OCA2: variants seen among roughly 807,000 people sequenced by gnomAD.
OCA2 encodes OCA2 melanosomal transmembrane protein.
OCA2 carries 77 observed loss-of-function variants against 100.2 expected under a neutral mutation model. The ratio of observed to expected loss-of-function variants is 0.77; its 90% CI spans 0.64 to 0.93. The LOEUF is 0.93. OCA2 is among the 40% of genes least tolerant of loss of function. The probability of loss-of-function intolerance (pLI) is 0.00; values close to 1 mark genes in which losing one functional copy is unlikely to be tolerated. For missense variants in OCA2, 1,062 were observed against 1,089.1 expected (o/e 0.98, Z 0.35); for synonymous variants, 432 against 439.2 (o/e 0.98, Z 0.21).
At chr15:28,038,565 A>AAGAT (rs2043112242) in intron 2 of OCA2, among the ~76,000 whole-genome samples, 1 of 152,208 alleles carries the variant, frequency 6.6e-6, no homozygotes, top group African/African-American at 2.4e-5. Context: ...ATTATGGGTA[A>AAGAT]AGATAGACCA....
At position 27,775,063 on chromosome 15, in the gene OCA2, CGTGTGTGTGTGTGTGT is replaced by C. The variant is rs66465683; in HGVS notation, c.2433-19607_2433-19592del. On this transcript the variant is annotated intron_variant, in intron 23 of 23. Coordinates refer to ENST00000354638, the MANE Select transcript of OCA2 (RefSeq NM_000275.3). Reference sequence around the variant, plus strand: ...CTTGCTCAAAGGAGTTTTTAGAACTCGTGTGTGTGTGTGTGTGTGTGTGTGTGTGTGTGTGTGTGTC... The same window carrying C: ...CTTGCTCAAAGGAGTTTTTAGAACTCGTGTGTGTGTGTGTGTGTGTGTGTC... 1.2e-4 allele frequency among the ~76,000 whole-genome samples: 17 copies of C among 143,028 alleles called. No homozygotes were observed. In the South Asian group the frequency reaches 2.1e-3, roughly 17 times the overall value. 93.8% of individuals were successfully genotyped at this position (143,028 alleles called of 152,430 possible). A position where few individuals can be genotyped will look rare whatever the true frequency, so the allele number is the denominator to read the frequency against.
chr15:27,920,356 C>T (rs1416302392), intron 19 of OCA2, among the ~76,000 whole-genome samples: 2 of 152,080 alleles, frequency 1.3e-5, no homozygotes, highest in South Asian at 2.1e-4. Flanking sequence ...GACCTTAAGA[C>T]AAAAATTGTT....
At chr15:28,026,217 A>C (rs2042742750) in intron 4 of OCA2, among the ~76,000 whole-genome samples, 1 of 152,260 alleles carries the variant, frequency 6.6e-6, no homozygotes, top group South Asian at 2.1e-4. Flanking sequence ...GCAAGCTCAA[A>C]GGCAAATATT....
intron 19 of OCA2, among the ~76,000 whole-genome samples, chr15:27,892,621 A>G (rs2037511574): frequency 6.6e-6 from 1 of 152,176 alleles, no homozygotes; most frequent in African/African-American, 2.4e-5. Flanking sequence ...GAAATCTCAT[A>G]TCAACAATCT....
intron 9 of OCA2, among the ~76,000 whole-genome samples, chr15:28,004,219 C>G (rs1003825888): frequency 4.1e-5 from 6 of 147,390 alleles, no homozygotes; most frequent in Admixed American, 3.3e-4. Context: ...CAGAAGCTGC[C>G]GGCCCTGGGG....
chr15:28,014,109 A>G (rs2042316051), intron 9 of OCA2, among the ~76,000 whole-genome samples: 2 of 152,324 alleles, frequency 1.3e-5, no homozygotes, highest in Admixed American at 6.5e-5. Context: ...TAACGGTCAC[A>G]TCATGCACTG....
At chr15:27,926,091 G>C (rs1486803190) in intron 19 of OCA2, 36 bp downstream of exon 19, 9 of 1,612,280 alleles carry the variant, frequency 5.6e-6, no homozygotes. Context: ...CAAAAATCAG[G>C]TAAAATGCCA....
chr15:27,902,926 C>T (rs2038013454), intron 19 of OCA2, among the ~76,000 whole-genome samples: 1 of 152,240 alleles, frequency 6.6e-6, no homozygotes, highest in Admixed American at 6.5e-5. Flanking sequence ...AGCACGTGGG[C>T]GCTGGCTGGG....
chr15:28,017,854 C>T (rs990283228), intron 7 of OCA2, among the ~76,000 whole-genome samples: 11 of 152,134 alleles, frequency 7.2e-5, no homozygotes, highest in African/African-American at 2.4e-4. Flanking sequence ...GTGGAAGGAG[C>T]CCTGCCTCTG....
At position 28,033,249 on chromosome 15, in the gene OCA2, A is replaced by C. The variant is rs149950843; in HGVS notation, c.228-1086T>G. Among the ~76,000 whole-genome samples the C allele has an allele frequency of 3.3e-5, 5 of 152,346 alleles. No individual in the cohort carries two copies. In the East Asian group the frequency reaches 9.6e-4, roughly 29 times the overall value. ...CAATTTTCGTTCCTGATCACTGAGA[A>C]TATGTCATTTTATATGCTGATGCAT... On this transcript the variant is annotated intron_variant, in intron 2 of 23. Coordinates refer to ENST00000354638, the MANE Select transcript of OCA2 (RefSeq NM_000275.3).
At chr15:28,075,094 G>T (rs1308689887) in intron 2 of OCA2, among the ~76,000 whole-genome samples, 1 of 152,150 alleles carries the variant, frequency 6.6e-6, no homozygotes, top group African/African-American at 2.4e-5. Context: ...GAAAATCTTT[G>T]TGATCTTGGG....
At chr15:28,019,068 G>C (rs2042501640) in intron 6 of OCA2, among the ~76,000 whole-genome samples, 1 of 152,140 alleles carries the variant, frequency 6.6e-6, no homozygotes, top group African/African-American at 2.4e-5. Context: ...GCAGGGCCCT[G>C]GTTGGAGAAG....
At chr15:27,976,242 C>A (rs1235897591) in intron 14 of OCA2, among the ~76,000 whole-genome samples, 1 of 152,138 alleles carries the variant, frequency 6.6e-6, no homozygotes, top group Non-Finnish European at 1.5e-5. Flanking sequence ...AATATTGATG[C>A]TTTGTATTTC....
Position 27,914,523 on chromosome 15 carries a change from A to G in OCA2, c.2079+11604T>C, listed in dbSNP as rs1174194764. On this transcript the variant is annotated intron_variant, in intron 19 of 23. Transcript: ENST00000354638. ...AACAACTCCAGCAAAATTTCAGGAT[A>G]CAAAATCAATGGCTGAAAATCAGGA... 2.6e-5 allele frequency among the ~76,000 whole-genome samples: 4 copies of G among 152,132 alleles called. No individual in the cohort carries two copies. In the East Asian group the frequency reaches 7.7e-4, roughly 29 times the overall value.
intron 23 of OCA2, among the ~76,000 whole-genome samples, chr15:27,792,426 A>C (rs2033129513): frequency 1.3e-5 from 2 of 152,114 alleles, no homozygotes. Flanking sequence ...TGGCAGTGGA[A>C]ATCTAACTGG....
intron 1 of OCA2, among the ~76,000 whole-genome samples, chr15:28,085,588 G>T (rs952623081): frequency 7.9e-5 from 12 of 152,090 alleles, no homozygotes; most frequent in Non-Finnish European, 1.3e-4. Context: ...GAGAATAAAA[G>T]CCCAGCCTCT....
Position 27,983,383 on chromosome 15 carries a change from T to C in OCA2, c.1465A>G (p.Asn489Asp), listed in dbSNP as rs121918170. Residue 489 changes from asparagine (N) to aspartate (D), a missense_variant, in exon 14 of 24, where the codon AAT (asparagine) becomes GAT (aspartate). Asn to Asp is a conservative substitution (Grantham distance 23, BLOSUM62 1). Coordinates refer to ENST00000354638, the MANE Select transcript of OCA2 (RefSeq NM_000275.3). Reference sequence around the variant, plus strand: ...TCTTGGTTGGAAACAATAATGACATTTGGAGGGTCCCCGATGGCAGTGGCA... The same window carrying C: ...TCTTGGTTGGAAACAATAATGACATCTGGAGGGTCCCCGATGGCAGTGGCA... ...GAATAIGDPP[N>D]VIIVSNQELR... is the part of the protein sequence containing the mutation. 1,087 of 1,614,036 alleles carry C rather than the reference T, an allele frequency of 6.7e-4. 2 individuals are homozygous for C. Among genetic ancestry groups the C allele is most frequent in the Non-Finnish European group, 8.8e-4 (1,038 of 1,180,032 alleles).
chr15:27,772,232 G>C (rs892476541), intron 23 of OCA2, among the ~76,000 whole-genome samples: 3 of 152,214 alleles, frequency 2.0e-5, no homozygotes, highest in Admixed American at 1.3e-4. Context: ...GTATAAAGTA[G>C]TGACTTAATA....
At chr15:27,792,586 G>T (rs1283396679) in intron 23 of OCA2, among the ~76,000 whole-genome samples, 1 of 152,114 alleles carries the variant, frequency 6.6e-6, no homozygotes, top group African/African-American at 2.4e-5. Context: ...CATCTATGGG[G>T]TCCATAACTT....
Sources: allele counts gnomAD v4.1 joint callset (sites outside exome capture counted in the v4.1 genomes callset), GRCh38; gene constraint gnomAD v4.1.1; transcripts MANE v1.5; gene names NCBI Gene and HGNC (gene_info 2026-07-23, HGNC 2026-07-21).